NTRK3: variants seen among roughly 807,000 people sequenced by gnomAD.
NTRK3 encodes NT-3 growth factor receptor.
A neutral mutation model predicts 91.7 loss-of-function variants in NTRK3; 24 were observed. The ratio of observed to expected loss-of-function variants is 0.26; its 90% CI spans 0.19 to 0.37. The LOEUF (loss-of-function observed/expected upper bound fraction) is 0.37. NTRK3 is among the 10% of genes least tolerant of loss of function. The probability of loss-of-function intolerance (pLI) is 1.00; values close to 1 mark genes in which losing one functional copy is unlikely to be tolerated. For synonymous variants in NTRK3, 483 were observed against 404.0 expected, an observed-to-expected ratio of 1.20 and a Z score of -2.34; for missense variants, 880 against 1,068.9, an observed-to-expected ratio of 0.82 and a Z score of 2.46.
At chr15:87,938,104 G>A (rs1260001970) in intron 15 of NTRK3, among the ~76,000 whole-genome samples, 1 of 152,150 alleles carries the variant, frequency 6.6e-6, no homozygotes, top group Non-Finnish European at 1.5e-5. Flanking sequence ...TTATTTAAGA[G>A]TCGCACACAT....
intron 17 of NTRK3, among the ~76,000 whole-genome samples, chr15:87,923,719 C>T (rs1332335002): frequency 1.3e-5 from 2 of 152,156 alleles, no homozygotes; most frequent in Non-Finnish European, 2.9e-5. Context: ...CTGTTGAAAA[C>T]TTAACCCCAA....
At chr15:87,875,180 G>T (rs1444121508) in exon 19 of NTRK3, 3 of 231,526 alleles carry the variant, frequency 1.3e-5, no homozygotes. Context: ...CAGGGAAAAG[G>T]GTAGGCCAGA....
intron 14 of NTRK3, among the ~76,000 whole-genome samples, chr15:87,989,453 T>G (rs980153196): frequency 1.4e-5 from 2 of 143,630 alleles, no homozygotes; most frequent in Non-Finnish European, 3.1e-5. Flanking sequence ...AATCGAACAA[T>G]GAGAACACTT....
chr15:87,997,696 G>GA (rs1055397480), intron 14 of NTRK3, among the ~76,000 whole-genome samples: 26 of 152,020 alleles, frequency 1.7e-4, no homozygotes, highest in Admixed American at 6.6e-5. Context: ...GATTCCTAGG[G>GA]AAAAAATATG....
At chr15:88,159,075 G>T (rs1412835369) in intron 5 of NTRK3, among the ~76,000 whole-genome samples, 1 of 152,188 alleles carries the variant, frequency 6.6e-6, no homozygotes, top group Non-Finnish European at 1.5e-5. Context: ...AGAAGCCAGG[G>T]TCCCCAAAGG....
intron 13 of NTRK3, among the ~76,000 whole-genome samples, chr15:88,086,491 T>A (rs1288663044): frequency 6.9e-6 from 1 of 145,364 alleles, no homozygotes; most frequent in Non-Finnish European, 1.5e-5. Context: ...ATAATTAGAA[T>A]TAATTTCACC....
chr15:87,928,292 A>G (rs1475341821), intron 17 of NTRK3: 1 of 152,086 alleles, frequency 6.6e-6, no homozygotes, highest in East Asian at 1.9e-4. Context: ...GATCTTCTGT[A>G]TTTTTTAGCA....
At chr15:87,985,548 T>C (rs1451770264) in intron 14 of NTRK3, among the ~76,000 whole-genome samples, 3 of 152,126 alleles carry the variant, frequency 2.0e-5, no homozygotes, top group African/African-American at 7.2e-5. Flanking sequence ...GGCCGCCTCT[T>C]CCTATAAAGT....
chr15:87,893,125 C>T (rs1299678702), intron 17 of NTRK3, among the ~76,000 whole-genome samples: 2 of 152,152 alleles, frequency 1.3e-5, no homozygotes, highest in Admixed American at 1.3e-4. Context: ...ACCACAGGTA[C>T]AGAGACTGAG....
At position 87,880,255 on chromosome 15, in the gene NTRK3, G is replaced by A. The variant is rs368220974; in HGVS notation, c.2292+15C>T. 226 of 1,613,696 alleles carry A rather than the reference G, an allele frequency of 1.4e-4. No individual in the cohort carries two copies. Among genetic ancestry groups the A allele is most frequent in the Non-Finnish European group, 1.8e-4 (208 of 1,179,946 alleles). On this transcript the variant is annotated intron_variant, in intron 18 of 18. Transcript: ENST00000394480. ...GCCCTCCCCCAATCAAGATTCCTAC[G>A]CACCCCCTTTTTACCTCCGTGTTTG...
chr15:87,863,062 T>A (rs1368809311), exon 19 of NTRK3: 1 of 230,766 alleles, frequency 4.3e-6, no homozygotes, highest in Non-Finnish European at 8.6e-6. Context: ...AGTGGTATGT[T>A]ATAAAGACTT....
chr15:88,146,627 T>G (rs1393283305), intron 6 of NTRK3, among the ~76,000 whole-genome samples: 1 of 152,232 alleles, frequency 6.6e-6, no homozygotes, highest in African/African-American at 2.4e-5. Flanking sequence ...TTGGCCTTCC[T>G]TTGTTTGTGC....
At position 88,121,906 on chromosome 15, in the gene NTRK3, T is replaced by G. The variant is rs1328419866; in HGVS notation, c.1396+4365A>C. 4.6e-5 allele frequency among the ~76,000 whole-genome samples: 7 copies of G among 152,258 alleles called. No homozygotes were observed. In the East Asian group the frequency reaches 1.2e-3, roughly 25 times the overall value. ...GTGATTCCAAAAGAAGATGAGCTTG[T>G]GTCCCAAGGTGACCCCTTCCCCAAG... On this transcript the variant is annotated intron_variant, in intron 13 of 18. Coordinates refer to ENST00000394480, the Ensembl canonical transcript of NTRK3.
chr15:88,160,106 G>C (rs1567553496), intron 5 of NTRK3, among the ~76,000 whole-genome samples: 1 of 152,196 alleles, frequency 6.6e-6, no homozygotes, highest in South Asian at 2.1e-4. Context: ...CCAAAAGAGA[G>C]CAGAGGAGAA....
chr15:88,007,304 A>G (rs2076562653), intron 14 of NTRK3, among the ~76,000 whole-genome samples: 1 of 152,144 alleles, frequency 6.6e-6, no homozygotes, highest in Non-Finnish European at 1.5e-5. Flanking sequence ...TGGAACCAAA[A>G]CCCAGTTGTG....
chr15:88,114,391 G>A (rs575432269), intron 13 of NTRK3, among the ~76,000 whole-genome samples: 2 of 152,288 alleles, frequency 1.3e-5, no homozygotes, highest in East Asian at 1.9e-4. Flanking sequence ...TCCTAGGTAT[G>A]TGTATAAAAA....
chr15:88,081,940 G>T (rs983599626), intron 13 of NTRK3, among the ~76,000 whole-genome samples: 27 of 152,102 alleles, frequency 1.8e-4, no homozygotes, highest in African/African-American at 6.3e-4. Flanking sequence ...CTTTCCAAGG[G>T]CAACCCTTCT....
intron 17 of NTRK3, among the ~76,000 whole-genome samples, chr15:87,917,305 G>A (rs986662476): frequency 2.6e-5 from 4 of 152,190 alleles, no homozygotes; most frequent in South Asian, 4.1e-4. Flanking sequence ...ACAGCTGAAA[G>A]GAATAAGGAA....
chr15:87,959,211 G>C (rs188981544), intron 14 of NTRK3, among the ~76,000 whole-genome samples: 46 of 152,270 alleles, frequency 3.0e-4, no homozygotes, highest in African/African-American at 1.1e-3. Context: ...TTATCTTCCT[G>C]ACTTATTTGT....
Sources: allele counts gnomAD v4.1 joint callset (sites outside exome capture counted in the v4.1 genomes callset), GRCh38; gene constraint gnomAD v4.1.1; transcripts MANE v1.5; gene names NCBI Gene and HGNC (gene_info 2026-07-23, HGNC 2026-07-21).